Variants in MYLK observed in about 807,000 individuals in gnomAD.
MYLK encodes myosin light chain kinase, smooth muscle.
In MYLK, 106 loss-of-function variants were observed where a neutral mutation model predicts 203.4. The ratio of observed to expected loss-of-function variants is 0.52; its 90% CI spans 0.45 to 0.61. The LOEUF is 0.61. Ranked by LOEUF, MYLK falls within the 20% of genes least tolerant of loss-of-function variation. The pLI is 0.00. For missense variants in MYLK, 2,072 were observed against 2,442.3 expected (o/e 0.85, Z 3.20); for synonymous variants, 867 against 959.5 (o/e 0.90, Z 1.78).
At chr3:123,675,653 A>G (rs2060049099) in intron 20 of MYLK, among the ~76,000 whole-genome samples, 1 of 152,162 alleles carries the variant, frequency 6.6e-6, no homozygotes, top group South Asian at 2.1e-4. Flanking sequence ...TTAGGTAGGT[A>G]GTTAAAAATA....
intron 23 of MYLK, chr3:123,659,776 G>A (rs763290715): frequency 1.9e-5 from 9 of 481,414 alleles, no homozygotes; most frequent in African/African-American, 3.9e-5. Context: ...GAGACCCTGG[G>A]CATCTCTGGG....
intron 1 of MYLK, among the ~76,000 whole-genome samples, chr3:123,883,879 TAGCG>T (rs2033691926): frequency 6.6e-6 from 1 of 151,994 alleles, no homozygotes; most frequent in Admixed American, 6.5e-5. Flanking sequence ...CCGAGTCCTC[TAGCG>T]AGGGTCTGGG....
intron 23 of MYLK, among the ~76,000 whole-genome samples, chr3:123,662,584 G>A (rs1213245588): frequency 6.6e-6 from 1 of 152,192 alleles, no homozygotes; most frequent in Non-Finnish European, 1.5e-5. Context: ...GAGACCTTAA[G>A]AGTCAATGTC....
chr3:123,865,319 CT>C (rs540648088), intron 2 of MYLK, among the ~76,000 whole-genome samples: 8 of 152,342 alleles, frequency 5.3e-5, no homozygotes, highest in African/African-American at 1.9e-4. Flanking sequence ...TACCATACAA[CT>C]TCTATCTCCA....
In MYLK at chr3:123,614,046, A is replaced by C; in HGVS notation, c.*59T>G. On this transcript the variant is annotated 3_prime_UTR_variant, in exon 34 of 34. Coordinates refer to ENST00000360304, the MANE Select transcript of MYLK (RefSeq NM_053025.4). ...ATCTTGAGTTTTTTTTTTTTTTTTG[A>C]GTTTTAGAGAAATAGTCCTTTTAAT... 1.1e-6 allele frequency: 1 copy of C among 907,190 alleles called. No homozygotes were observed. Among genetic ancestry groups the C allele is most frequent in the Non-Finnish European group, 1.5e-6 (1 of 646,860 alleles). 56.2% of individuals were successfully genotyped at this position (907,190 alleles called of 1,614,324 possible). A position where few individuals can be genotyped will look rare whatever the true frequency, so the allele number is the denominator to read the frequency against.
At chr3:123,741,788 C>T (rs79125921) in intron 5 of MYLK, among the ~76,000 whole-genome samples, 2 of 152,184 alleles carry the variant, frequency 1.3e-5, no homozygotes, top group Admixed American at 6.5e-5. Flanking sequence ...GTAAAATGTA[C>T]AATTAGACAT....
chr3:123,685,421 C>T lies in MYLK; in HGVS notation c.3566-3111G>A, dbSNP rs575350889. ...CAGCGTGGGCAACATGGTGAAACCC[C>T]GTCTCTACAAAATTTACAAAAATTA... is the stretch of plus-strand genomic sequence containing the variant. On this transcript the variant is annotated intron_variant, in intron 19 of 33. Coordinates refer to ENST00000360304, the MANE Select transcript of MYLK (RefSeq NM_053025.4). 4.5e-4 allele frequency among the ~76,000 whole-genome samples: 68 copies of T among 152,102 alleles called. No individual in the cohort carries two copies. The South Asian group carries it at 0.013, about 29-fold the overall frequency.
rs188288037 is a variant in MYLK, at chr3:123,842,676, T to C, written c.-126-11006A>G. On this transcript the variant is annotated intron_variant, in intron 2 of 33. Coordinates refer to ENST00000360304, the MANE Select transcript of MYLK (RefSeq NM_053025.4). ...CTGTTCATTTCCTCTGCCAATATCT[T>C]ATCTCTCTGAAACTGCCTTATTCAT... Among the ~76,000 whole-genome samples, 4 of 152,366 alleles carry C rather than the reference T, an allele frequency of 2.6e-5. No homozygotes were observed. In the East Asian group the frequency reaches 7.7e-4, roughly 29 times the overall value.
chr3:123,808,429 C>T (rs2065443561), intron 3 of MYLK, among the ~76,000 whole-genome samples: 1 of 149,980 alleles, frequency 6.7e-6, no homozygotes, highest in South Asian at 2.1e-4. Context: ...AGAACATCAA[C>T]TTTACTCAAA....
chr3:123,839,269 C>T (rs1406046963), intron 2 of MYLK, among the ~76,000 whole-genome samples: 1 of 152,074 alleles, frequency 6.6e-6, no homozygotes, highest in East Asian at 1.9e-4. Context: ...GATTGTTAGA[C>T]TGTATAAAAA....
In MYLK at chr3:123,700,300, A is replaced by T; in HGVS notation, c.3168T>A (p.Asp1056Glu). Residue 1056 changes from aspartate to glutamate, a missense_variant, in exon 18 of 34, where the codon GAT becomes GAA. Coordinates refer to ENST00000360304, the MANE Select transcript of MYLK (RefSeq NM_053025.4). ...CTTTGCTAGCGGATTTCAGGTTCTC[A>T]TCAGGCTTGGCATTGCCCATGGGCT... ...TLKPMGNAKPDENLKSASKEE... is the reference protein window; with the variant it reads ...TLKPMGNAKPEENLKSASKEE... 2 of 1,613,720 alleles carry T rather than the reference A, an allele frequency of 1.2e-6. No homozygotes were observed.
chr3:123,737,427 C>A lies in MYLK; in HGVS notation c.705G>T (p.Val235=). ...TCGAGGCCTTCCCCGACCCGTTCAC[C>A]ACCAGGCACGTGTACACTCCCACGT... ...QDDVGVYTCL[V]VNGSGKASMS... is the part of the protein sequence containing the mutation. The change falls in exon 8 of 34, where the codon GTG becomes GTT. Residue 235 remains valine, a synonymous_variant. Transcript: ENST00000360304. 1 of 1,614,154 alleles carries A rather than the reference C, an allele frequency of 6.2e-7. No homozygotes were observed. Among genetic ancestry groups the A allele is most frequent in the Non-Finnish European group, 8.5e-7 (1 of 1,180,030 alleles).
chr3:123,781,456 C>T (rs531799554), intron 4 of MYLK, among the ~76,000 whole-genome samples: 1 of 152,326 alleles, frequency 6.6e-6, no homozygotes, highest in South Asian at 2.1e-4. Context: ...CACATACTTC[C>T]CTCCATTTCA....
intron 2 of MYLK, among the ~76,000 whole-genome samples, chr3:123,850,239 C>A (rs575413776): frequency 2.6e-5 from 4 of 152,202 alleles, no homozygotes; most frequent in East Asian, 1.9e-4. Flanking sequence ...CATGATTTAT[C>A]ATCCTTTGGG....
At chr3:123,829,481 G>C (rs1174808972) in intron 3 of MYLK, among the ~76,000 whole-genome samples, 1 of 152,074 alleles carries the variant, frequency 6.6e-6, no homozygotes, top group Non-Finnish European at 1.5e-5. Context: ...GATTTCTAAA[G>C]GATACAAAAT....
intron 16 of MYLK, among the ~76,000 whole-genome samples, chr3:123,703,744 C>T (rs866294227): frequency 2.6e-5 from 4 of 152,352 alleles, no homozygotes; most frequent in Middle Eastern, 3.4e-3. Context: ...TCTTTTCCTA[C>T]CTTTAAGCAC....
chr3:123,716,912 G>A (rs925479266), intron 13 of MYLK, among the ~76,000 whole-genome samples: 5 of 152,166 alleles, frequency 3.3e-5, no homozygotes, highest in African/African-American at 1.2e-4. Context: ...AAGAACCCAT[G>A]TGGTACACAA....
At position 123,647,299 on chromosome 3, in the gene MYLK, C is replaced by A; in HGVS notation, c.4544G>T (p.Cys1515Phe). 3.1e-6 allele frequency: 5 copies of A among 1,614,226 alleles called. No homozygotes were observed. The highest frequency in any genetic ancestry group is 4.2e-6 in the Non-Finnish European group (5 of 1,180,038). ...NIRQEISIMN[C>F]LHHPKLVQCV... ...CTGGACCAGCTTAGGGTGGTGGAGG[C>A]AGTTCATGATGCTAATCTCCTGCCG... is the stretch of plus-strand genomic sequence containing the variant. Residue 1515 changes from cysteine to phenylalanine, a missense_variant, in exon 27 of 34, where the codon TGC (cysteine) becomes TTC (phenylalanine). Coordinates refer to ENST00000360304, the MANE Select transcript of MYLK (RefSeq NM_053025.4).
chr3:123,792,628 T>C (rs763797347), intron 4 of MYLK, among the ~76,000 whole-genome samples: 1 of 152,164 alleles, frequency 6.6e-6, no homozygotes, highest in Non-Finnish European at 1.5e-5. Context: ...CTTCATTCCT[T>C]TTTATAGTCA....
Sources: gnomAD v4.1 joint callset for allele counts (sites outside exome capture counted in the v4.1 genomes callset) on GRCh38, gnomAD v4.1.1 for gene constraint, MANE v1.5 for transcripts, NCBI Gene and HGNC (gene_info 2026-07-23, HGNC 2026-07-21) for gene names.